The following SLC22A23 variants were observed in gnomAD, a reference collection of about 807,000 sequenced individuals.
SLC22A23 encodes ion transporter protein.
In SLC22A23, 26 loss-of-function variants were observed where a neutral mutation model predicts 61.0. That is an observed-to-expected ratio of 0.43 (90% CI 0.31 to 0.59). The LOEUF is 0.59. SLC22A23 is among the 20% of genes least tolerant of loss of function. The pLI is 0.11. For synonymous variants in SLC22A23, 430 were observed against 413.9 expected (o/e 1.04, Z -0.47); for missense variants, 796 against 934.7 (o/e 0.85, Z 1.94).
At position 3,323,857 on chromosome 6, in the gene SLC22A23, G is replaced by A; in HGVS notation, c.1059C>T (p.Phe353=). 1 of 1,614,034 alleles carries A rather than the reference G, an allele frequency of 6.2e-7. No homozygotes were observed. Among genetic ancestry groups the A allele is most frequent in the Non-Finnish European group, 8.5e-7 (1 of 1,179,968 alleles). Residue 353 remains phenylalanine, a synonymous_variant, in exon 4 of 10, where the codon TTC becomes TTT. Coordinates refer to ENST00000406686, the MANE Select transcript of SLC22A23 (RefSeq NM_015482.2). The stretch of plus-strand genomic sequence containing the variant: ...ACGACCAGTAGAGCAGCATGAGCAG[G>A]AAGGGGCAGATGATGAGGGCCTGCA... ...QVLQALIICP[F]LLMLLYWSIF...
In SLC22A23 at chr6:3,273,409, A is replaced by G; in HGVS notation, c.1707T>C (p.Cys569=). ...TGGCCAGCACCAGCCCCAGCCCGCC[A>G]CACCTGCAGGGGGAGGGAAGCACAG... The part of the protein sequence containing the change: ...CAEITPTVIR[C]GGLGLVLASA... The change falls in exon 10 of 10, where the codon TGT becomes TGC. Residue 569 remains cysteine, a synonymous_variant. Transcript: ENST00000406686. 1.2e-6 allele frequency: 2 copies of G among 1,612,386 alleles called. No homozygotes were observed. The highest frequency in any genetic ancestry group is 1.7e-6 in the Non-Finnish European group (2 of 1,179,776).
In SLC22A23 at chr6:3,270,121, A is replaced by G. The variant is rs900686937; in HGVS notation, c.*2934T>C. ...CCATCTCAGGTGTTCACATTTGTGC[A>G]TAACTTTTATTGAAAGGCTGACAGG... On this transcript the variant is annotated 3_prime_UTR_variant, in exon 10 of 10. Transcript: ENST00000406686. 6.6e-6 allele frequency: 1 copy of G among 152,430 alleles called. No homozygotes were observed. The highest frequency in any genetic ancestry group is 1.9e-4 in the East Asian group (1 of 5,342). 9.4% of individuals were successfully genotyped at this position (152,430 alleles called of 1,614,324 possible).
chr6:3,406,571 T>A (rs887845850), intron 3 of SLC22A23, among the ~76,000 whole-genome samples: 1 of 152,046 alleles, frequency 6.6e-6, no homozygotes. Context: ...TGTGTGCGTA[T>A]GTGTGTCCAG....
chr6:3,448,622 T>C (rs1441578374), intron 1 of SLC22A23, among the ~76,000 whole-genome samples: 1 of 151,994 alleles, frequency 6.6e-6, no homozygotes, highest in Non-Finnish European at 1.5e-5. Flanking sequence ...GCCTCCCGAG[T>C]AGCTGGGACT....
At chr6:3,424,857 A>G (rs773565202) in intron 1 of SLC22A23, among the ~76,000 whole-genome samples, 1 of 152,220 alleles carries the variant, frequency 6.6e-6, no homozygotes, top group African/African-American at 2.4e-5. Context: ...AATATTTACT[A>G]TGTGGCCCTT....
intron 1 of SLC22A23, among the ~76,000 whole-genome samples, chr6:3,417,344 C>T (rs1001211714): frequency 6.6e-5 from 10 of 152,148 alleles, no homozygotes; most frequent in African/African-American, 2.4e-4. Context: ...CAACGCCAGG[C>T]CCAGGAAGAA....
At chr6:3,310,881 A>T (rs930369550) in intron 4 of SLC22A23, among the ~76,000 whole-genome samples, 1 of 152,226 alleles carries the variant, frequency 6.6e-6, no homozygotes, top group Non-Finnish European at 1.5e-5. Context: ...AAGAAAATAC[A>T]GGAAGGAAAT....
At position 3,282,366 on chromosome 6, in the gene SLC22A23, C is replaced by G. The variant is rs1759548981; in HGVS notation, c.1703+1486G>C. The stretch of plus-strand genomic sequence containing the variant: ...GATGAGTTCCTTGTGCTTAATCATA[C>G]AATGCCTTGGCATTTCTGTCCAGGT... On this transcript the variant is annotated intron_variant, in intron 9 of 9. Coordinates refer to ENST00000406686, the MANE Select transcript of SLC22A23 (RefSeq NM_015482.2). The G allele has an allele frequency of 4.6e-5, 32 of 699,372 alleles. 1 individual carries two copies. The South Asian group carries it at 4.6e-4, about 10-fold the overall frequency. The allele number at this position is 699,372 out of a possible 1,614,324, so 43.3% of individuals were successfully genotyped here. A position where few individuals can be genotyped will look rare whatever the true frequency, so the allele number is the denominator to read the frequency against.
chr6:3,413,573 C>A (rs1769431386), intron 2 of SLC22A23, among the ~76,000 whole-genome samples: 1 of 152,214 alleles, frequency 6.6e-6, no homozygotes, highest in Non-Finnish European at 1.5e-5. Context: ...AGATTCTATA[C>A]CAATACCCAG....
chr6:3,385,914 T>A (rs534543455), intron 3 of SLC22A23, among the ~76,000 whole-genome samples: 31 of 152,372 alleles, frequency 2.0e-4, no homozygotes, highest in Admixed American at 2.0e-3. Context: ...TCATCTCATT[T>A]TTTTTCACAG....
In SLC22A23 at chr6:3,286,801, C is replaced by T; in HGVS notation, c.1546+58G>A. On this transcript the variant is annotated intron_variant, in intron 7 of 9. Transcript: ENST00000406686. The surrounding 1 kb of genome is among the most constrained non-coding windows in gnomAD (Gnocchi z 4.2). ...AGTCTTATGCAGCCCTTTCAAATGCCCTTGGGGATCTGCCAGCTTCCCTCC... is the reference window on the plus strand; with the variant it reads ...AGTCTTATGCAGCCCTTTCAAATGCTCTTGGGGATCTGCCAGCTTCCCTCC... 7.0e-7 allele frequency: 1 copy of T among 1,429,566 alleles called. No homozygotes were observed. The highest frequency in any genetic ancestry group is 1.7e-4 in the Middle Eastern group (1 of 5,740). 88.6% of individuals were successfully genotyped at this position (1,429,566 alleles called of 1,614,324 possible). A position where few individuals can be genotyped will look rare whatever the true frequency, so the allele number is the denominator to read the frequency against.
chr6:3,300,811 G>A (rs562408201), intron 4 of SLC22A23, among the ~76,000 whole-genome samples: 1 of 152,264 alleles, frequency 6.6e-6, no homozygotes, highest in South Asian at 2.1e-4. Context: ...TGAATTCGGT[G>A]GTACCTTTGG....
chr6:3,366,799 C>T (rs985003769), intron 3 of SLC22A23, among the ~76,000 whole-genome samples: 2 of 152,138 alleles, frequency 1.3e-5, no homozygotes, highest in African/African-American at 4.8e-5. Flanking sequence ...CCACCATGAA[C>T]CTTGGACAGG....
Position 3,269,033 on chromosome 6 carries a change from AGAG to A in SLC22A23, c.*4019_*4021del, listed in dbSNP as rs1442626698. 1 of 152,344 alleles carries A rather than the reference AGAG, an allele frequency of 6.6e-6. No individual in the cohort carries two copies. The highest frequency in any genetic ancestry group is 2.4e-5 in the African/African-American group (1 of 41,430). The allele number at this position is 152,344 out of a possible 1,614,324, so 9.4% of individuals were successfully genotyped here. ...TTTTCGTTAAAAAATACATTAGAGAAGAGAGTTTTGGGTTACCAGTCTTTCCTC... is the reference window on the plus strand; with the variant it reads ...TTTTCGTTAAAAAATACATTAGAGAAAGTTTTGGGTTACCAGTCTTTCCTC... On this transcript the variant is annotated 3_prime_UTR_variant, in exon 10 of 10. Coordinates refer to ENST00000406686, the MANE Select transcript of SLC22A23 (RefSeq NM_015482.2).
intron 3 of SLC22A23, among the ~76,000 whole-genome samples, chr6:3,391,551 C>T (rs1767662524): frequency 6.6e-6 from 1 of 152,194 alleles, no homozygotes. Context: ...TCCATGAATT[C>T]ATTCATTCAT....
intron 3 of SLC22A23, among the ~76,000 whole-genome samples, chr6:3,362,426 A>AAAAAAC (rs1765530818): frequency 7.2e-6 from 1 of 138,030 alleles, no homozygotes; most frequent in African/African-American, 2.8e-5. Context: ...ATAAAATAAA[A>AAAAAAC]AATAAAAAAT....
chr6:3,322,469 C>T lies in SLC22A23; in HGVS notation c.1082+1365G>A, dbSNP rs901408167. ...GGGGCACAAGGGCTGTCCTGGAACACGGTTGTGCTGCGGGAGGGGTTTGGA... is the reference window on the plus strand; with the variant it reads ...GGGGCACAAGGGCTGTCCTGGAACATGGTTGTGCTGCGGGAGGGGTTTGGA... On this transcript the variant is annotated intron_variant, in intron 4 of 9. Coordinates refer to ENST00000406686, the MANE Select transcript of SLC22A23 (RefSeq NM_015482.2). This position sits in a 1 kb window ranked among gnomAD's most constrained non-coding sequence, Gnocchi z 4.1. 5.3e-5 allele frequency among the ~76,000 whole-genome samples: 8 copies of T among 152,212 alleles called. No individual in the cohort carries two copies. The highest frequency in any genetic ancestry group is 1.4e-4 in the African/African-American group (6 of 41,436).
chr6:3,352,031 C>T (rs73720540), intron 3 of SLC22A23, among the ~76,000 whole-genome samples: 3,958 of 152,222 alleles, frequency 0.026, 172 homozygotes, highest in African/African-American at 0.091. Context: ...CTGAAATGGG[C>T]GTCAAGGCGA....
chr6:3,381,381 C>T (rs1464482707), intron 3 of SLC22A23, among the ~76,000 whole-genome samples: 1 of 152,210 alleles, frequency 6.6e-6, no homozygotes, highest in Non-Finnish European at 1.5e-5. Context: ...TTCCCTAGGA[C>T]ACCTTTTGTC....
Sources: gnomAD v4.1 joint callset for allele counts (sites outside exome capture counted in the v4.1 genomes callset) on GRCh38, gnomAD v4.1.1 for gene constraint, Gnocchi (gnomAD v3.1) non-coding constraint, MANE v1.5 for transcripts, NCBI Gene and HGNC (gene_info 2026-07-23, HGNC 2026-07-21) for gene names.